SND1: variants seen among roughly 807,000 people sequenced by gnomAD.
SND1 encodes the protein staphylococcal nuclease domain-containing protein 1.
In SND1, 38 loss-of-function variants were observed where a neutral mutation model predicts 121.7. That is an observed-to-expected ratio of 0.31 (90% CI 0.24 to 0.41). SND1 has a LOEUF of 0.41. Among genes scored for constraint, SND1 ranks in the 10% least tolerant of loss-of-function variants. The pLI, the probability that SND1 is intolerant of heterozygous loss-of-function variation, is 1.00. For missense variants in SND1, 868 were observed against 1,184.6 expected, an observed-to-expected ratio of 0.73 and a Z score of 3.92; for synonymous variants, 401 against 447.4, an observed-to-expected ratio of 0.90 and a Z score of 1.31.
chr7:127,657,931 C>T (rs978580097), intron 1 of SND1, among the ~76,000 whole-genome samples: 1 of 152,112 alleles, frequency 6.6e-6, no homozygotes, highest in Non-Finnish European at 1.5e-5. Flanking sequence ...GGAAGAGAGG[C>T]AGTGGAGATG....
chr7:128,028,532 A>C, intron 16 of SND1: 2 of 750,744 alleles, frequency 2.7e-6, no homozygotes, highest in Non-Finnish European at 4.0e-6. Context: ...TTTTGTCTTT[A>C]AATTTTAATA....
chr7:127,694,854 C>T lies in SND1; in HGVS notation c.255C>T (p.Phe85=). The part of the protein sequence containing the change: ...DEPWAFPARE[F]LRKKLIGKEV... ...CCTGGGCATTTCCAGCTCGAGAGTT[C>T]CTTCGAAAGAAGCTGATTGGGAAGG... The change falls in exon 3 of 24, where the codon TTC becomes TTT. Residue 85 remains phenylalanine (F), a synonymous_variant. Transcript: ENST00000354725. 6.2e-7 allele frequency: 1 copy of T among 1,613,846 alleles called. No homozygotes were observed. Among genetic ancestry groups the T allele is most frequent in the South Asian group, 1.1e-5 (1 of 91,028 alleles).
chr7:127,856,738 A>G (rs1308060732), intron 12 of SND1, among the ~76,000 whole-genome samples: 1 of 152,244 alleles, frequency 6.6e-6, no homozygotes, highest in African/African-American at 2.4e-5. Context: ...GCCATCACGC[A>G]TTAGGTCAGT....
chr7:127,833,701 A>G (rs1798808198), intron 11 of SND1, among the ~76,000 whole-genome samples: 1 of 152,180 alleles, frequency 6.6e-6, no homozygotes, highest in Non-Finnish European at 1.5e-5. Context: ...AGAGAGAGAG[A>G]AAGGCAGATA....
chr7:127,700,930 G>A (rs76045689), intron 4 of SND1, among the ~76,000 whole-genome samples: 15 of 152,200 alleles, frequency 9.9e-5, no homozygotes, highest in Middle Eastern at 3.4e-3. Flanking sequence ...TCTTTAGATC[G>A]TCTCATTAAA....
chr7:127,847,314 A>C (rs546888888), intron 12 of SND1, among the ~76,000 whole-genome samples: 2 of 152,144 alleles, frequency 1.3e-5, no homozygotes, highest in Non-Finnish European at 2.9e-5. Context: ...AATATTATAG[A>C]AAATTTGAGG....
intron 12 of SND1, among the ~76,000 whole-genome samples, chr7:127,878,620 A>G (rs190108938): frequency 7.9e-5 from 12 of 152,022 alleles, no homozygotes. Flanking sequence ...TTCAATCTGT[A>G]TTATGAATTC....
intron 10 of SND1, among the ~76,000 whole-genome samples, chr7:127,736,218 A>G (rs1273634213): frequency 1.3e-5 from 2 of 152,204 alleles, no homozygotes; most frequent in African/African-American, 4.8e-5. Context: ...TCCTGATTAT[A>G]AATGTGACAT....
intron 16 of SND1, chr7:128,030,160 T>C (rs770281212): frequency 1.9e-6 from 3 of 1,614,178 alleles, no homozygotes; most frequent in Non-Finnish European, 2.5e-6. Context: ...GAGGGGATGC[T>C]TTCGATGGGG....
At chr7:127,666,243 C>T (rs75670263) in intron 1 of SND1, among the ~76,000 whole-genome samples, 245 of 152,316 alleles carry the variant, frequency 1.6e-3, no homozygotes, top group Non-Finnish European at 2.9e-3. Flanking sequence ...CATTATATTA[C>T]AAGTAAGGCG....
At chr7:127,900,912 G>A (rs945862093) in intron 13 of SND1, among the ~76,000 whole-genome samples, 5 of 152,200 alleles carry the variant, frequency 3.3e-5, no homozygotes, top group Non-Finnish European at 5.9e-5. Context: ...TCTGCTGGCT[G>A]GCCTGCACAC....
chr7:128,081,216 T>C, intron 17 of SND1, 144 bp from the exon 18 acceptor site: 1 of 929,678 alleles, frequency 1.1e-6, no homozygotes, highest in Non-Finnish European at 1.6e-6. Flanking sequence ...CAGTCTGGTC[T>C]TGAACTCCTA....
At chr7:127,793,805 C>T (rs1797960474) in intron 10 of SND1, among the ~76,000 whole-genome samples, 1 of 152,124 alleles carries the variant, frequency 6.6e-6, no homozygotes, top group Non-Finnish European at 1.5e-5. Flanking sequence ...GCCCTCCTCC[C>T]CTCCACCCTC....
At chr7:127,715,297 T>TG (rs1288240409) in intron 9 of SND1, among the ~76,000 whole-genome samples, 1 of 152,182 alleles carries the variant, frequency 6.6e-6, no homozygotes, top group African/African-American at 2.4e-5. Context: ...TTTGGAGAAA[T>TG]GTCTATTCAA....
rs1799953034 is a variant in SND1 at position 127,888,572 on chromosome 7, A to G, written c.1454+560A>G. Reference sequence around the variant, plus strand: ...ATCCCTGTGGCTGGTTGCCCCAAGGACATGCATGCTGCTCAGCAGTATTTC... The same window carrying G: ...ATCCCTGTGGCTGGTTGCCCCAAGGGCATGCATGCTGCTCAGCAGTATTTC... On this transcript the variant is annotated intron_variant, in intron 13 of 23. Coordinates refer to ENST00000354725, the MANE Select transcript of SND1 (RefSeq NM_014390.4). Among the ~76,000 whole-genome samples the G allele has an allele frequency of 2.6e-5, 4 of 152,108 alleles. No individual in the cohort carries two copies. In the South Asian group the frequency reaches 8.3e-4, roughly 32 times the overall value.
At chr7:127,882,646 A>G (rs1799815632) in intron 12 of SND1, among the ~76,000 whole-genome samples, 1 of 145,006 alleles carries the variant, frequency 6.9e-6, no homozygotes, top group Non-Finnish European at 1.6e-5. Flanking sequence ...AGAAAGTGGA[A>G]TTAGCCTAGA....
intron 12 of SND1, among the ~76,000 whole-genome samples, chr7:127,852,567 T>C (rs933147171): frequency 7.3e-5 from 11 of 151,620 alleles, no homozygotes; most frequent in Non-Finnish European, 1.6e-4. Flanking sequence ...CCAAGCACTT[T>C]GGGAGGCTGA....
intron 13 of SND1, among the ~76,000 whole-genome samples, chr7:127,901,425 G>A (rs975694933): frequency 1.3e-5 from 2 of 152,164 alleles, no homozygotes; most frequent in South Asian, 2.1e-4. Flanking sequence ...CATCAGACTT[G>A]TGACAAGCAG....
rs138514976 is a variant in SND1 at position 127,866,945 on chromosome 7, G to A, written c.1344-20957G>A. 9.1e-4 allele frequency among the ~76,000 whole-genome samples: 139 copies of A among 152,102 alleles called. 1 individual carries two copies. Among genetic ancestry groups the A allele is most frequent in the Middle Eastern group, 3.4e-3 (1 of 294 alleles). On this transcript the variant is annotated intron_variant, in intron 12 of 23. Transcript: ENST00000354725. ...TCACCTTCTTCTTTCCAAACTAATT[G>A]TTCTGCCTACATGCTCTAGATTCCA...
Sources: gnomAD v4.1 joint callset for allele counts (sites outside exome capture counted in the v4.1 genomes callset) on GRCh38, gnomAD v4.1.1 for gene constraint, MANE v1.5 for transcripts, NCBI Gene and HGNC (gene_info 2026-07-23, HGNC 2026-07-21) for gene names.